The following ANXA4 variants were observed in gnomAD, a reference collection of about 807,000 sequenced individuals.
ANXA4 encodes 35-beta calcimedin.
A neutral mutation model predicts 49.8 loss-of-function variants in ANXA4; 39 were observed. The ratio of observed to expected loss-of-function variants is 0.78; its 90% CI spans 0.61 to 1.02. The LOEUF (loss-of-function observed/expected upper bound fraction) is 1.02. Ranked by LOEUF, ANXA4 falls within the 50% of genes least tolerant of loss-of-function variation. The pLI is 0.00. For missense variants in ANXA4, 360 were observed against 410.1 expected (o/e 0.88, Z 1.05); for synonymous variants, 134 against 152.5 (o/e 0.88, Z 0.89).
intron 12 of ANXA4, among the ~76,000 whole-genome samples, chr2:69,823,030 TGGC>T (rs1350229607): frequency 3.3e-5 from 5 of 150,670 alleles, no homozygotes; most frequent in Non-Finnish European, 7.4e-5. Context: ...ATTATTTACA[TGGC>T]TTTATGTTAT....
intron 3 of ANXA4, among the ~76,000 whole-genome samples, chr2:69,725,057 C>G (rs1413223375): frequency 1.3e-5 from 2 of 152,218 alleles, no homozygotes. Context: ...CTCCCTCTGA[C>G]TCCTGCAGTC....
chr2:69,783,238 G>A (rs1672273955), intron 2 of ANXA4, among the ~76,000 whole-genome samples: 1 of 151,400 alleles, frequency 6.6e-6, no homozygotes, highest in Non-Finnish European at 1.5e-5. Context: ...TTTTTTTTGA[G>A]ACAGAGTCTC....
intron 1 of ANXA4, among the ~76,000 whole-genome samples, chr2:69,774,047 T>A (rs938174762): frequency 4.6e-5 from 7 of 151,970 alleles, no homozygotes; most frequent in African/African-American, 1.7e-4. Flanking sequence ...GGTCTCGAAC[T>A]CCTGACCTCA....
In ANXA4 at chr2:69,783,215, A is replaced by G. The variant is rs192834562; in HGVS notation, c.9+1641A>G. On this transcript the variant is annotated intron_variant, in intron 2 of 12. Coordinates refer to ENST00000394295, the MANE Select transcript of ANXA4 (RefSeq NM_001153.5). ...AGTGTTTTAATTTTCTTCTTAATTT[A>G]TTTTTATTTTTATTTTTTTTGAGAC... is the stretch of plus-strand genomic sequence containing the variant. 2.7e-3 allele frequency among the ~76,000 whole-genome samples: 407 copies of G among 151,926 alleles called. 1 individual carries two copies. The highest frequency in any genetic ancestry group is 9.5e-3 in the African/African-American group (393 of 41,444).
At chr2:69,715,831 A>G (rs1355115146) in intron 2 of ANXA4, among the ~76,000 whole-genome samples, 1 of 152,206 alleles carries the variant, frequency 6.6e-6, no homozygotes, top group African/African-American at 2.4e-5. Flanking sequence ...TACCCTCTTT[A>G]TGTGATAACA....
At position 69,757,239 on chromosome 2, in the gene ANXA4, TA is replaced by T. The variant is rs1391218201; in HGVS notation, c.-47+15065del. On this transcript the variant is annotated intron_variant, in intron 1 of 12. Transcript: ENST00000394295. ...CCACCGTGCCCAGCCATTTTTGTTT[TA>T]TATATATATATATATATATATATAT... 6.5e-3 allele frequency among the ~76,000 whole-genome samples: 343 copies of T among 52,604 alleles called. 8 individuals carry two copies. Among genetic ancestry groups the T allele is most frequent in the African/African-American group, 0.023 (311 of 13,366 alleles). The allele number at this position is 52,604 out of a possible 152,430, so 34.5% of individuals were successfully genotyped here. A position where few individuals can be genotyped will look rare whatever the true frequency, so the allele number is the denominator to read the frequency against.
chr2:69,691,708 A>G (rs1677976960), intron 2 of ANXA4, among the ~76,000 whole-genome samples: 1 of 152,118 alleles, frequency 6.6e-6, no homozygotes, highest in African/African-American at 2.4e-5. Context: ...CTGGGACAGG[A>G]GGGCTGGAGT....
At chr2:69,771,134 A>AAATATTAT (rs1671700762) in intron 1 of ANXA4, among the ~76,000 whole-genome samples, 1 of 151,856 alleles carries the variant, frequency 6.6e-6, no homozygotes, top group Non-Finnish European at 1.5e-5. Context: ...AAGAAAGGAA[A>AAATATTAT]AATATTATTT....
At chr2:69,701,294 C>T (rs1301511194) in intron 2 of ANXA4, among the ~76,000 whole-genome samples, 1 of 152,060 alleles carries the variant, frequency 6.6e-6, no homozygotes, top group Non-Finnish European at 1.5e-5. Context: ...CACCACCAGC[C>T]ATCTCCAGAA....
Position 69,742,556 on chromosome 2 carries a change from A to G in ANXA4, c.-47+381A>G, listed in dbSNP as rs959088872. Reference sequence around the variant, plus strand: ...GCTAACTCCTCCTAACACCTCTTACAGTTTACTTTTTAATTCTTTACTCCA... The same window carrying G: ...GCTAACTCCTCCTAACACCTCTTACGGTTTACTTTTTAATTCTTTACTCCA... On this transcript the variant is annotated intron_variant, in intron 1 of 12. Coordinates refer to ENST00000394295, the MANE Select transcript of ANXA4 (RefSeq NM_001153.5). Among the ~76,000 whole-genome samples, 11 of 152,284 alleles carry G rather than the reference A, an allele frequency of 7.2e-5. No homozygotes were observed. The East Asian group carries it at 2.1e-3, about 29-fold the overall frequency.
At chr2:69,674,822 C>T (rs1677333456) in intron 2 of ANXA4, among the ~76,000 whole-genome samples, 1 of 151,522 alleles carries the variant, frequency 6.6e-6, no homozygotes, top group Non-Finnish European at 1.5e-5. Context: ...CTGTCATCCT[C>T]TTACAATAAA....
Position 69,721,516 on chromosome 2 carries a change from T to C in ANXA4, n.864+645T>C, listed in dbSNP as rs528812782. Among the ~76,000 whole-genome samples, 75 of 152,162 alleles carry C rather than the reference T, an allele frequency of 4.9e-4. 1 individual carries two copies. In the South Asian group the frequency reaches 5.8e-3, roughly 12 times the overall value. ...TGAGCCCAGGAGTTGGAGACAAGGC[T>C]GGCAAGACCCTGTCTCTACAAAAAA... On this transcript the variant is annotated intron_variant and non_coding_transcript_variant, in intron 3 of 3. Transcript: ENST00000418066.
chr2:69,694,963 C>T (rs951246689), intron 2 of ANXA4, among the ~76,000 whole-genome samples: 5 of 151,756 alleles, frequency 3.3e-5, no homozygotes, highest in African/African-American at 7.3e-5. Context: ...GGCAACATGG[C>T]GAAACCTCGT....
rs1339487543 is a variant in ANXA4 at position 69,656,229 on chromosome 2, G to A, written n.766+2947G>A. Reference sequence around the variant, plus strand: ...TACACACACATATATATGTATATATGTATATATATACGTATATATATGTAT... The same window carrying A: ...TACACACACATATATATGTATATATATATATATATACGTATATATATGTAT... On this transcript the variant is annotated intron_variant and non_coding_transcript_variant, in intron 2 of 3. Transcript: ENST00000418066. Among the ~76,000 whole-genome samples the A allele has an allele frequency of 7.9e-5, 10 of 126,090 alleles. 2 individuals are homozygous for A. The East Asian group carries it at 1.5e-3, about 19-fold the overall frequency. 82.7% of individuals were successfully genotyped at this position (126,090 alleles called of 152,430 possible).
intron 2 of ANXA4, among the ~76,000 whole-genome samples, chr2:69,681,752 TG>T (rs1677607608): frequency 6.6e-6 from 1 of 152,240 alleles, no homozygotes; most frequent in South Asian, 2.1e-4. Flanking sequence ...TCCTTTGTAT[TG>T]TTTTTTAAGT....
At chr2:69,770,119 G>C (rs938271422) in intron 1 of ANXA4, among the ~76,000 whole-genome samples, 4 of 152,182 alleles carry the variant, frequency 2.6e-5, no homozygotes, top group African/African-American at 7.2e-5. Flanking sequence ...TGGCCTAGTA[G>C]GCAGGCCTCC....
chr2:69,788,214 T>C (rs1672498782), intron 3 of ANXA4, 73 bp downstream of exon 3: 1 of 1,383,298 alleles, frequency 7.2e-7, no homozygotes, highest in Non-Finnish European at 1.0e-6. Context: ...GGGTGCCATG[T>C]CTGCTGGCCA....
upstream of ANXA4, chr2:69,643,921 G>C: frequency 8.7e-7 from 1 of 1,144,938 alleles, no homozygotes; most frequent in Non-Finnish European, 1.1e-6. Context: ...TGGGGGAAGA[G>C]GGTCTCAGTG....
chr2:69,748,942 G>T (rs372034771), intron 1 of ANXA4, among the ~76,000 whole-genome samples: 7 of 152,098 alleles, frequency 4.6e-5, no homozygotes, highest in African/African-American at 1.7e-4. Flanking sequence ...CCAACTCCTG[G>T]GCTCAAGTGA....
Sources: allele counts gnomAD v4.1 joint callset (sites outside exome capture counted in the v4.1 genomes callset), GRCh38; gene constraint gnomAD v4.1.1; transcripts MANE v1.5; gene names NCBI Gene and HGNC (gene_info 2026-07-23, HGNC 2026-07-21).